Variants in RCOR1 observed in about 807,000 individuals in gnomAD.
RCOR1 encodes REST corepressor.
In RCOR1, 12 loss-of-function variants were observed where a neutral mutation model predicts 64.0. That is an observed-to-expected ratio of 0.19 (90% CI 0.12 to 0.30). The LOEUF (loss-of-function observed/expected upper bound fraction) is 0.30. RCOR1 is among the 10% of genes least tolerant of loss of function. The probability of loss-of-function intolerance (pLI) is 1.00; values close to 1 mark genes in which losing one functional copy is unlikely to be tolerated. For missense variants in RCOR1, 502 were observed against 621.2 expected, an observed-to-expected ratio of 0.81 and a Z score of 2.04; for synonymous variants, 279 against 227.2, an observed-to-expected ratio of 1.23 and a Z score of -2.05.
intron 2 of RCOR1, among the ~76,000 whole-genome samples, chr14:102,622,544 C>G (rs930563598): frequency 6.6e-6 from 1 of 152,158 alleles, no homozygotes. Context: ...CTGTTTTTCA[C>G]CTTGATCTTC....
At chr14:102,650,176 C>T (rs1277952076) in intron 2 of RCOR1, among the ~76,000 whole-genome samples, 3 of 132,686 alleles carry the variant, frequency 2.3e-5, no homozygotes, top group Non-Finnish European at 4.7e-5. Flanking sequence ...CCAGCCTGGG[C>T]GACAGAGCGA....
chr14:102,627,924 T>G (rs921958463), intron 2 of RCOR1, among the ~76,000 whole-genome samples: 2 of 150,556 alleles, frequency 1.3e-5, no homozygotes, highest in African/African-American at 4.9e-5. Flanking sequence ...GTATATAATA[T>G]GTATGAAGGG....
In RCOR1 at chr14:102,644,296, A is replaced by T. The variant is rs74082457; in HGVS notation, c.362-37599A>T. Reference sequence around the variant, plus strand: ...TTCACTTTTCATGACCCAGCCTCGGAAGTCACATAGGCTCCTTTCCGATGT... The same window carrying T: ...TTCACTTTTCATGACCCAGCCTCGGTAGTCACATAGGCTCCTTTCCGATGT... On this transcript the variant is annotated intron_variant, in intron 2 of 11. Transcript: ENST00000262241. Among the ~76,000 whole-genome samples the T allele has an allele frequency of 5.0e-3, 760 of 152,348 alleles. 5 individuals are homozygous for T. Among genetic ancestry groups the T allele is most frequent in the African/African-American group, 0.017 (708 of 41,584 alleles).
At position 102,592,965 on chromosome 14, in the gene RCOR1, G is replaced by GCCGCCGCCGCCT. The variant is rs902433541; in HGVS notation, c.93_104dup (p.Ala34_Ala37dup). 3.1e-5 allele frequency: 35 copies of GCCGCCGCCGCCT among 1,144,702 alleles called. No homozygotes were observed. The African/African-American group carries it at 3.2e-4, about 10-fold the overall frequency. The allele number at this position is 1,144,702 out of a possible 1,614,324, so 70.9% of individuals were successfully genotyped here. A position where few individuals can be genotyped will look rare whatever the true frequency, so the allele number is the denominator to read the frequency against. On this transcript the variant is annotated inframe_insertion, in exon 1 of 12. Transcript: ENST00000262241. ...GAACAACGCGGCCGCCTCCGCCTCC[G>GCCGCCGCCGCCT]CCGCCGCCGCCTCCGCCGCCGCCTC... is the stretch of plus-strand genomic sequence containing the variant.
In RCOR1 at chr14:102,701,269, G is replaced by A; in HGVS notation, c.446-9G>A. 1 of 1,611,582 alleles carries A rather than the reference G, an allele frequency of 6.2e-7. No homozygotes were observed. Among genetic ancestry groups the A allele is most frequent in the East Asian group, 2.2e-5 (1 of 44,776 alleles). On this transcript the variant is annotated splice_polypyrimidine_tract_variant and intron_variant, in intron 3 of 11. Transcript: ENST00000262241. ...AGTTTGTTTAATGGCATCTCTTCTT[G>A]TTTTTCAGTGGATGAATACATTGCC...
intron 3 of RCOR1, among the ~76,000 whole-genome samples, chr14:102,693,217 T>G (rs1218021196): frequency 2.0e-5 from 3 of 152,214 alleles, no homozygotes; most frequent in African/African-American, 7.2e-5. Context: ...CATTCATAGT[T>G]CTTTTTCTCG....
chr14:102,632,715 TTCCTTTCCTTTCTTCTCCCCTCCCCTCCC>T lies in RCOR1; in HGVS notation c.361+39391_361+39419del, dbSNP rs1894148131. Among the ~76,000 whole-genome samples the T allele has an allele frequency of 1.5e-3, 163 of 111,400 alleles. 6 individuals carry two copies. Among genetic ancestry groups the T allele is most frequent in the African/African-American group, 3.5e-3 (91 of 26,182 alleles). The allele number at this position is 111,400 out of a possible 152,430, so 73.1% of individuals were successfully genotyped here. On this transcript the variant is annotated intron_variant, in intron 2 of 11. Transcript: ENST00000262241. Reference sequence around the variant, plus strand: ...CCTTTTCCTTTCCTTTCCTTTTCCTTTCCTTTCCTTTCTTCTCCCCTCCCCTCCCCTCCCCTCCCCTCCCCTCCCCTCCC... The same window carrying T: ...CCTTTTCCTTTCCTTTCCTTTTCCTTCTCCCCTCCCCTCCCCTCCCCTCCC...
chr14:102,670,445 T>G (rs1247251425), intron 2 of RCOR1, among the ~76,000 whole-genome samples: 1 of 152,142 alleles, frequency 6.6e-6, no homozygotes, highest in African/African-American at 2.4e-5. Flanking sequence ...GATGGTTTGA[T>G]AACATGAAGG....
intron 2 of RCOR1, among the ~76,000 whole-genome samples, chr14:102,636,832 A>G (rs977317506): frequency 1.6e-4 from 25 of 151,792 alleles, no homozygotes; most frequent in Middle Eastern, 3.4e-3. Flanking sequence ...TTAGCTGGGC[A>G]TGGTGGTGCA....
chr14:102,638,625 T>C (rs1200708213), intron 2 of RCOR1, among the ~76,000 whole-genome samples: 3 of 151,948 alleles, frequency 2.0e-5, no homozygotes, highest in Middle Eastern at 3.4e-3. Context: ...GGATTACAGG[T>C]GTGAGCCACC....
At chr14:102,720,533 C>T (rs1896152465) in intron 8 of RCOR1, among the ~76,000 whole-genome samples, 2 of 152,188 alleles carry the variant, frequency 1.3e-5, no homozygotes, top group African/African-American at 2.4e-5. Context: ...TGCACTTCTG[C>T]CCTGTGTAGA....
At chr14:102,613,097 T>TTTTTG (rs1207078236) in intron 2 of RCOR1, among the ~76,000 whole-genome samples, 4 of 152,172 alleles carry the variant, frequency 2.6e-5, no homozygotes, top group Admixed American at 1.3e-4. Flanking sequence ...AGTCTCGCTT[T>TTTTTG]TTTTGTTTTG....
chr14:102,678,876 G>A (rs548552617), intron 2 of RCOR1, among the ~76,000 whole-genome samples: 13 of 152,182 alleles, frequency 8.5e-5, no homozygotes, highest in African/African-American at 3.1e-4. Flanking sequence ...TTTCCTAATG[G>A]CTAATGATGT....
At chr14:102,650,838 C>T (rs1894573873) in intron 2 of RCOR1, 4 of 218,980 alleles carry the variant, frequency 1.8e-5, no homozygotes, top group Non-Finnish European at 3.1e-5. Context: ...GAGTTAGGAA[C>T]TGACTTGAGA....
At chr14:102,612,321 C>A (rs576159378) in intron 2 of RCOR1, among the ~76,000 whole-genome samples, 1 of 151,972 alleles carries the variant, frequency 6.6e-6, no homozygotes, top group Non-Finnish European at 1.5e-5. Context: ...TGAGCCACTG[C>A]ACTTCCTGAG....
intron 3 of RCOR1, among the ~76,000 whole-genome samples, chr14:102,690,768 A>C (rs1427292126): frequency 6.6e-6 from 1 of 152,138 alleles, no homozygotes. Flanking sequence ...TCATCACCGG[A>C]CATCGTATTA....
chr14:102,680,872 C>T (rs1483730083), intron 2 of RCOR1, among the ~76,000 whole-genome samples: 3 of 152,222 alleles, frequency 2.0e-5, no homozygotes, highest in Admixed American at 1.3e-4. Flanking sequence ...TCTACATCCT[C>T]TTCCCATCTG....
At chr14:102,659,529 G>A (rs1015618922) in intron 2 of RCOR1, among the ~76,000 whole-genome samples, 2 of 152,170 alleles carry the variant, frequency 1.3e-5, no homozygotes, top group Non-Finnish European at 2.9e-5. Context: ...AAGTGTGGTC[G>A]AGAGAGCTCT....
At chr14:102,643,454 A>ATT (rs1894414228) in intron 2 of RCOR1, 1 of 323,040 alleles carries the variant, frequency 3.1e-6, no homozygotes, top group Non-Finnish European at 4.5e-6. Flanking sequence ...GAAATAATAG[A>ATT]TTAATGCATG....
Sources: gnomAD v4.1 joint callset for allele counts (sites outside exome capture counted in the v4.1 genomes callset) on GRCh38, gnomAD v4.1.1 for gene constraint, MANE v1.5 for transcripts, NCBI Gene and HGNC (gene_info 2026-07-23, HGNC 2026-07-21) for gene names.